The following CATSPERE variants were observed in gnomAD, a reference collection of about 807,000 sequenced individuals.
CATSPERE encodes cation channel sperm-associated auxiliary subunit epsilon.
CATSPERE carries 93 observed loss-of-function variants against 114.1 expected under a neutral mutation model. The observed-to-expected ratio is 0.81, with a 90% CI of 0.69 to 0.97. The LOEUF (loss-of-function observed/expected upper bound fraction) is 0.97. Ranked by LOEUF, CATSPERE falls within the 50% of genes least tolerant of loss-of-function variation. The pLI is 0.00. For synonymous variants in CATSPERE, 341 were observed against 384.1 expected (o/e 0.89, Z 1.31); for missense variants, 1,058 against 1,131.6 (o/e 0.93, Z 0.93).
chr1:244,461,360 C>T lies in CATSPERE; in HGVS notation c.-70C>T. 5.6e-6 allele frequency: 7 copies of T among 1,253,616 alleles called. No homozygotes were observed. The highest frequency in any genetic ancestry group is 7.1e-6 in the Non-Finnish European group (7 of 982,916). The allele number at this position is 1,253,616 out of a possible 1,614,324, so 77.7% of individuals were successfully genotyped here. The stretch of plus-strand genomic sequence containing the variant: ...CGCCTGCAGCCGCCCGCCGGGCCGA[C>T]GTCCCACGGGAATGCGCGAGGCCTG... On this transcript the variant is annotated 5_prime_UTR_variant, in exon 1 of 22. In the 5' UTR this introduces an upstream ATG that the reference lacks. Transcript: ENST00000366534.
At chr1:244,557,531 T>TTATATATATA (rs1661769799) in intron 9 of CATSPERE, among the ~76,000 whole-genome samples, 1 of 28,852 alleles carries the variant, frequency 3.5e-5, no homozygotes, top group Non-Finnish European at 9.1e-5. Context: ...TTTGAAATAT[T>TTATATATATA]CATATATATA....
At chr1:244,510,723 TTATTTTTA>T (rs2148327630) in intron 7 of CATSPERE, among the ~76,000 whole-genome samples, 1 of 152,214 alleles carries the variant, frequency 6.6e-6, no homozygotes, top group Non-Finnish European at 1.5e-5. Flanking sequence ...TCCCCAGCTA[TTATTTTTA>T]TGGAGGTCTA....
Position 244,504,749 on chromosome 1 carries a change from C to T in CATSPERE, c.429+5670C>T, listed in dbSNP as rs147755944. Among the ~76,000 whole-genome samples, 172 of 152,312 alleles carry T rather than the reference C, an allele frequency of 1.1e-3. 1 individual carries two copies. The highest frequency in any genetic ancestry group is 3.7e-3 in the African/African-American group (152 of 41,576). ...GAAGTAAAGTGGCATTCCCATTACG[C>T]GCAATCAAGGGCGCATACAATCATA... On this transcript the variant is annotated intron_variant, in intron 7 of 21. Transcript: ENST00000366534. The surrounding 1 kb of genome is among the most constrained non-coding windows in gnomAD (Gnocchi z 4.1).
rs1389915634 is a variant in CATSPERE, at chr1:244,610,301, C to T, written c.2465C>T (p.Pro822Leu). The T allele has an allele frequency of 2.5e-6, 4 of 1,612,768 alleles. No individual in the cohort carries two copies. Among genetic ancestry groups the T allele is most frequent in the African/African-American group, 1.3e-5 (1 of 74,898 alleles). The change falls in exon 19 of 22, where the codon CCA becomes CTA. Residue 822 changes from proline (P) to leucine (L), a missense_variant. Coordinates refer to ENST00000366534, the MANE Select transcript of CATSPERE (RefSeq NM_001130957.2). ...KSMIELNKHLPLEEVWGPENY... is the reference protein window; with the variant it reads ...KSMIELNKHLLLEEVWGPENY... ...ATGATTGAACTTAACAAGCACCTCC[C>T]ACTAGAAGAAGTCTGGGGACCTGAG...
intron 20 of CATSPERE, among the ~76,000 whole-genome samples, chr1:244,634,860 T>A (rs1674413984): frequency 6.6e-6 from 1 of 152,252 alleles, no homozygotes; most frequent in South Asian, 2.1e-4. Context: ...ATTTTCTTTT[T>A]TTGAGATGGA....
Position 244,633,360 on chromosome 1 carries a change from A to G in CATSPERE, c.2649-2129A>G, listed in dbSNP as rs1467954010. Among the ~76,000 whole-genome samples the G allele has an allele frequency of 6.6e-6, 1 of 152,210 alleles. No homozygotes were observed. The highest frequency in any genetic ancestry group is 1.5e-5 in the Non-Finnish European group (1 of 68,028). ...TGATTCATCACAATTTCATTCTATC[A>G]AAGGTCAACTTGGCCCTCTTTTCAG... On this transcript the variant is annotated intron_variant, in intron 20 of 21. Coordinates refer to ENST00000366534, the MANE Select transcript of CATSPERE (RefSeq NM_001130957.2). This position sits in a 1 kb window ranked among gnomAD's most constrained non-coding sequence, Gnocchi z 4.1.
chr1:244,475,286 T>A (rs1187290738), intron 2 of CATSPERE, among the ~76,000 whole-genome samples: 4 of 150,818 alleles, frequency 2.7e-5, no homozygotes. Flanking sequence ...CAGGCTGGAG[T>A]GCAGTGGTAT....
chr1:244,537,869 G>C (rs1258688024), intron 8 of CATSPERE, among the ~76,000 whole-genome samples: 1 of 152,164 alleles, frequency 6.6e-6, no homozygotes, highest in Non-Finnish European at 1.5e-5. Flanking sequence ...ATTAAATCTA[G>C]TTGATTGATT....
chr1:244,480,753 C>T (rs950638266), intron 5 of CATSPERE, among the ~76,000 whole-genome samples: 2 of 152,070 alleles, frequency 1.3e-5, no homozygotes, highest in African/African-American at 2.4e-5. Context: ...CTAATAATAC[C>T]GAGGTTTCAG....
intron 5 of CATSPERE, among the ~76,000 whole-genome samples, chr1:244,486,166 T>C (rs942794609): frequency 3.9e-5 from 6 of 152,248 alleles, no homozygotes; most frequent in Non-Finnish European, 8.8e-5. Flanking sequence ...AGATATCAAA[T>C]ATAAAGCTTT....
At chr1:244,491,447 G>A (rs1191444501) in intron 6 of CATSPERE, among the ~76,000 whole-genome samples, 4 of 151,914 alleles carry the variant, frequency 2.6e-5, no homozygotes, top group Non-Finnish European at 4.4e-5. Flanking sequence ...TCAAAGCAGT[G>A]TGTAGAGGGA....
chr1:244,564,911 A>G, intron 10 of CATSPERE, among the ~76,000 whole-genome samples: 1 of 152,134 alleles, frequency 6.6e-6, no homozygotes, highest in East Asian at 1.9e-4. Context: ...TATTATTTTG[A>G]GACACATTGC....
At chr1:244,456,387 A>G (rs1317478560), upstream of CATSPERE, among the ~76,000 whole-genome samples, 1 of 152,152 alleles carries the variant, frequency 6.6e-6, no homozygotes, top group South Asian at 2.1e-4. Context: ...CAAACAAAAA[A>G]TCTTACAGGT....
chr1:244,464,566 A>G (rs1667302931), intron 2 of CATSPERE, among the ~76,000 whole-genome samples: 1 of 152,168 alleles, frequency 6.6e-6, no homozygotes, highest in Admixed American at 6.5e-5. Context: ...GGCCATGGGA[A>G]ATACACTTAA....
chr1:244,530,108 C>T (rs900896095), intron 8 of CATSPERE, among the ~76,000 whole-genome samples: 4 of 151,968 alleles, frequency 2.6e-5, no homozygotes, highest in Non-Finnish European at 5.9e-5. Flanking sequence ...CCACCACGCC[C>T]GTGTAACTTT....
At chr1:244,553,998 T>C (rs2148506668) in intron 9 of CATSPERE, among the ~76,000 whole-genome samples, 1 of 152,314 alleles carries the variant, frequency 6.6e-6, no homozygotes, top group Admixed American at 6.5e-5. Flanking sequence ...GCTGCAAACA[T>C]GATTTTGTTA....
At chr1:244,592,870 G>A (rs1667903064) in intron 15 of CATSPERE, among the ~76,000 whole-genome samples, 1 of 152,218 alleles carries the variant, frequency 6.6e-6, no homozygotes, top group Admixed American at 6.5e-5. Flanking sequence ...GCTGGAAACA[G>A]TGATTCAAGT....
chr1:244,461,578 A>C, intron 1 of CATSPERE, 84 bp downstream of exon 1: 1 of 1,156,168 alleles, frequency 8.6e-7, no homozygotes, highest in Non-Finnish European at 1.1e-6. Flanking sequence ...TCTCCACCCC[A>C]TGCGCCTCGG....
At chr1:244,491,575 G>A (rs996900639) in intron 6 of CATSPERE, among the ~76,000 whole-genome samples, 2 of 152,036 alleles carry the variant, frequency 1.3e-5, no homozygotes, top group African/African-American at 4.8e-5. Context: ...GGCAGCAGAA[G>A]GCAAGAAATA....
Sources: allele counts gnomAD v4.1 joint callset (sites outside exome capture counted in the v4.1 genomes callset), GRCh38; gene constraint gnomAD v4.1.1; non-coding constraint Gnocchi (gnomAD v3.1); transcripts MANE v1.5; gene names NCBI Gene and HGNC (gene_info 2026-07-23, HGNC 2026-07-21).